Variants in GALNT17 observed in about 807,000 individuals in gnomAD.
GALNT17 encodes UDP-GalNAc:polypeptide N-acetylgalactosaminyltransferase-like 3.
In GALNT17, 29 loss-of-function variants were observed where a neutral mutation model predicts 63.7. The ratio of observed to expected loss-of-function variants is 0.46; its 90% confidence interval spans 0.34 to 0.62. GALNT17 has a LOEUF of 0.62. Among genes scored for constraint, GALNT17 ranks in the 20% least tolerant of loss-of-function variants. The probability of loss-of-function intolerance (pLI) is 0.01; values close to 1 mark genes in which losing one functional copy is unlikely to be tolerated. For synonymous variants in GALNT17, 305 were observed against 318.3 expected, an observed-to-expected ratio of 0.96 and a Z score of 0.45; for missense variants, 603 against 799.6, an observed-to-expected ratio of 0.75 and a Z score of 2.97.
intron 1 of GALNT17, among the ~76,000 whole-genome samples, chr7:71,210,995 G>A (rs1286711587): frequency 6.6e-6 from 1 of 152,100 alleles, no homozygotes; most frequent in Non-Finnish European, 1.5e-5. Flanking sequence ...TTGGAAAAAA[G>A]ATTCAGTCTT....
chr7:71,560,812 G>C (rs898843707), intron 5 of GALNT17, among the ~76,000 whole-genome samples: 6 of 152,162 alleles, frequency 3.9e-5, no homozygotes, highest in African/African-American at 7.2e-5. Context: ...TGCTCAAATT[G>C]AGCACATTCC....
At chr7:71,639,005 A>G (rs550634082) in intron 6 of GALNT17, among the ~76,000 whole-genome samples, 127 of 152,292 alleles carry the variant, frequency 8.3e-4, no homozygotes, top group Non-Finnish European at 1.0e-3. Flanking sequence ...AAAAGAATGA[A>G]TAAGACCTAC....
intron 5 of GALNT17, among the ~76,000 whole-genome samples, chr7:71,519,943 AAAG>A (rs1308553863): frequency 6.6e-6 from 1 of 152,198 alleles, no homozygotes; most frequent in African/African-American, 2.4e-5. Context: ...AATAAGAGAG[AAAG>A]AAGGTCTAAA....
intron 1 of GALNT17, among the ~76,000 whole-genome samples, chr7:71,143,296 C>T (rs1032035076): frequency 5.9e-5 from 9 of 151,556 alleles, no homozygotes; most frequent in African/African-American, 2.2e-4. Context: ...GTGGCGGGCA[C>T]CCGTCATCCC....
intron 5 of GALNT17, among the ~76,000 whole-genome samples, chr7:71,493,136 A>G (rs113859764): frequency 1.4e-4 from 22 of 152,324 alleles, no homozygotes; most frequent in African/African-American, 4.6e-4. Context: ...ATGGAGCATC[A>G]CCTTGTCTTT....
At chr7:71,665,290 A>G in intron 6 of GALNT17, 121 bp from the exon 7 acceptor site, 7 of 1,047,250 alleles carry the variant, frequency 6.7e-6, no homozygotes, top group South Asian at 1.6e-5. Flanking sequence ...CATTGGCTTT[A>G]TATATTAAAA....
At chr7:71,540,609 TTG>T (rs1788873244) in intron 5 of GALNT17, among the ~76,000 whole-genome samples, 2 of 151,890 alleles carry the variant, frequency 1.3e-5, no homozygotes, top group African/African-American at 4.8e-5. Flanking sequence ...GGGTTTTGTG[TTG>T]TTTTTTTTTC....
chr7:71,191,642 G>A (rs1417929781), intron 1 of GALNT17, among the ~76,000 whole-genome samples: 3 of 152,176 alleles, frequency 2.0e-5, no homozygotes, highest in African/African-American at 7.2e-5. Context: ...CGTCTTCTAT[G>A]TGTGGATCTG....
At chr7:71,472,342 G>A (rs775954477) in intron 5 of GALNT17, among the ~76,000 whole-genome samples, 8 of 152,170 alleles carry the variant, frequency 5.3e-5, no homozygotes, top group Non-Finnish European at 1.2e-4. Flanking sequence ...TATTGTGGAA[G>A]ATGTTTACTG....
chr7:71,224,063 A>G (rs1789637659), intron 1 of GALNT17, among the ~76,000 whole-genome samples: 1 of 151,996 alleles, frequency 6.6e-6, no homozygotes, highest in Non-Finnish European at 1.5e-5. Flanking sequence ...ATACATTTTT[A>G]TTTTTATTTT....
intron 1 of GALNT17, among the ~76,000 whole-genome samples, chr7:71,320,518 TG>T (rs1173032256): frequency 2.0e-5 from 3 of 152,076 alleles, no homozygotes; most frequent in Admixed American, 6.6e-5. Context: ...CCCAAAGCAC[TG>T]GGATTACAGA....
At chr7:71,282,107 C>G (rs1404100978) in intron 1 of GALNT17, among the ~76,000 whole-genome samples, 2 of 152,184 alleles carry the variant, frequency 1.3e-5, no homozygotes, top group Admixed American at 1.3e-4. Flanking sequence ...GGGACAAATC[C>G]TACAAGCATC....
chr7:71,669,956 T>G lies in GALNT17; in HGVS notation c.1267-16T>G. On this transcript the variant is annotated splice_polypyrimidine_tract_variant and intron_variant, in intron 7 of 10. Transcript: ENST00000333538. ...TCCACAGTCACTAACACCCCTTGGCTTCTCTCTCCTTTCAGAATCCGGGAA... is the reference window on the plus strand; with the variant it reads ...TCCACAGTCACTAACACCCCTTGGCGTCTCTCTCCTTTCAGAATCCGGGAA... The G allele has an allele frequency of 6.2e-7, 1 of 1,613,910 alleles. No individual in the cohort carries two copies. Among genetic ancestry groups the G allele is most frequent in the Non-Finnish European group, 8.5e-7 (1 of 1,179,894 alleles).
intron 5 of GALNT17, among the ~76,000 whole-genome samples, chr7:71,520,182 C>A (rs938206483): frequency 6.6e-6 from 1 of 152,106 alleles, no homozygotes; most frequent in African/African-American, 2.4e-5. Flanking sequence ...GAGTTGGAGA[C>A]TTCTGATCTT....
At position 71,346,879 on chromosome 7, in the gene GALNT17, T is replaced by A. The variant is rs1792106065; in HGVS notation, c.422+11146T>A. Among the ~76,000 whole-genome samples, 3 of 152,170 alleles carry A rather than the reference T, an allele frequency of 2.0e-5. No homozygotes were observed. In the South Asian group the frequency reaches 6.2e-4, roughly 31 times the overall value. Reference sequence around the variant, plus strand: ...GTTAAATTTGAGTAGCTATTGCCTGTGATGGCCCTAGTATGTAGTGTAATA... The same window carrying A: ...GTTAAATTTGAGTAGCTATTGCCTGAGATGGCCCTAGTATGTAGTGTAATA... On this transcript the variant is annotated intron_variant, in intron 2 of 10. Coordinates refer to ENST00000333538, the MANE Select transcript of GALNT17 (RefSeq NM_022479.3).
chr7:71,363,242 C>G (rs941665891), intron 2 of GALNT17, among the ~76,000 whole-genome samples: 6 of 152,172 alleles, frequency 3.9e-5, no homozygotes, highest in Admixed American at 1.3e-4. Flanking sequence ...GCTGGGATTA[C>G]AGTCGTGAGC....
In GALNT17 at chr7:71,132,788, C is replaced by A; in HGVS notation, c.-15C>A. The A allele has an allele frequency of 6.3e-7, 1 of 1,581,472 alleles. No homozygotes were observed. The highest frequency in any genetic ancestry group is 8.6e-7 in the Non-Finnish European group (1 of 1,161,022). The stretch of plus-strand genomic sequence containing the variant: ...GGGGGCGCAGGTCCGGGGCGAGGGC[C>A]GGCCGGGCTGTTTGATGGCTTCACT... On this transcript the variant is annotated 5_prime_UTR_variant, in exon 1 of 11. Coordinates refer to ENST00000333538, the MANE Select transcript of GALNT17 (RefSeq NM_022479.3).
chr7:71,323,315 C>A (rs1791649460), intron 1 of GALNT17, among the ~76,000 whole-genome samples: 1 of 152,180 alleles, frequency 6.6e-6, no homozygotes, highest in South Asian at 2.1e-4. Context: ...ACAGTATAAG[C>A]TGGGTCGCCA....
chr7:71,365,965 C>T (rs527666340), intron 2 of GALNT17, among the ~76,000 whole-genome samples: 4 of 152,096 alleles, frequency 2.6e-5, no homozygotes, highest in African/African-American at 7.2e-5. Flanking sequence ...TGCAACTAGA[C>T]GGTCCCATCT....
Sources: gnomAD v4.1 joint callset for allele counts (sites outside exome capture counted in the v4.1 genomes callset) on GRCh38, gnomAD v4.1.1 for gene constraint, MANE v1.5 for transcripts, NCBI Gene and HGNC (gene_info 2026-07-23, HGNC 2026-07-21) for gene names.